The following ZNF469 variants were observed in gnomAD, a reference collection of about 807,000 sequenced individuals.
ZNF469 encodes the protein zinc finger protein 469.
In ZNF469, 1 loss-of-function variant was observed where a neutral mutation model predicts 1.0. That is an observed-to-expected ratio of 1.00 (90% CI 0.35 to 4.73). The LOEUF (loss-of-function observed/expected upper bound fraction) is 4.73, where lower values mean the gene tolerates loss of function less well. Among genes scored for constraint, ZNF469 ranks in the 30% most tolerant of loss-of-function variants. The pLI is 0.16. For synonymous variants in ZNF469, 2,703 were observed against 2,363.4 expected, an observed-to-expected ratio of 1.14 and a Z score of -4.17; for missense variants, 6,100 against 5,356.3, an observed-to-expected ratio of 1.14 and a Z score of -4.33.
At chr16:88,311,487 A>G in the ZNF469 span, among the ~76,000 whole-genome samples, 2 of 152,218 alleles carry the variant, frequency 1.3e-5, no homozygotes, top group African/African-American at 4.8e-5. Flanking sequence ...TGATTGGAGA[A>G]GCAGAGAAAA....
At chr16:88,357,428 C>T in the ZNF469 span, among the ~76,000 whole-genome samples, 2 of 152,184 alleles carry the variant, frequency 1.3e-5, no homozygotes, top group African/African-American at 4.8e-5. Context: ...TCCTAATGGA[C>T]ATGGGAAGTG....
At chr16:88,283,516 T>C in the ZNF469 span, among the ~76,000 whole-genome samples, 1 of 152,222 alleles carries the variant, frequency 6.6e-6, no homozygotes, top group Non-Finnish European at 1.5e-5. Context: ...GGTCACTGGA[T>C]GTGTGCTACG....
At chr16:88,230,967 G>A in the ZNF469 span, among the ~76,000 whole-genome samples, 5 of 152,134 alleles carry the variant, frequency 3.3e-5, no homozygotes, top group South Asian at 2.1e-4. Flanking sequence ...AGGCTCTGGC[G>A]AAGGGACCCA....
the ZNF469 span, among the ~76,000 whole-genome samples, chr16:88,262,910 C>T: frequency 6.6e-6 from 1 of 152,212 alleles, no homozygotes; most frequent in Non-Finnish European, 1.5e-5. The surrounding 1 kb of genome is among the most constrained non-coding windows in gnomAD (Gnocchi z 4.3). Context: ...CCCCACACAG[C>T]CTCCTACGGA....
At chr16:88,234,976 G>A in the ZNF469 span, 1 of 152,464 alleles carries the variant, frequency 6.6e-6, no homozygotes, top group Admixed American at 6.5e-5. Flanking sequence ...GCGGGGTGGG[G>A]GCGGCTCTGC....
At chr16:88,326,752 C>T in the ZNF469 span, among the ~76,000 whole-genome samples, 1 of 152,218 alleles carries the variant, frequency 6.6e-6, no homozygotes, top group South Asian at 2.1e-4. Flanking sequence ...AGAACAATCC[C>T]AGATCAGAGG....
chr16:88,363,729 G>T, the ZNF469 span, among the ~76,000 whole-genome samples: 17 of 152,182 alleles, frequency 1.1e-4, no homozygotes, highest in African/African-American at 4.1e-4. Context: ...CAGACCAAAA[G>T]CTGTAAAACC....
At chr16:88,414,340 G>A (rs1905250960) in intron 1 of ZNF469, among the ~76,000 whole-genome samples, 1 of 152,248 alleles carries the variant, frequency 6.6e-6, no homozygotes, top group Non-Finnish European at 1.5e-5. Flanking sequence ...CGGGAAACGG[G>A]AACAAACTTT....
chr16:88,214,646 C>T, the ZNF469 span, among the ~76,000 whole-genome samples: 1 of 151,974 alleles, frequency 6.6e-6, no homozygotes, highest in Non-Finnish European at 1.5e-5. Context: ...TAATGTTATC[C>T]CTCCTCTAAC....
chr16:88,209,444 C>T, the ZNF469 span, among the ~76,000 whole-genome samples: 2 of 152,038 alleles, frequency 1.3e-5, no homozygotes, highest in African/African-American at 2.4e-5. Flanking sequence ...GTACCCGCCA[C>T]CGCACCCAGC....
the ZNF469 span, among the ~76,000 whole-genome samples, chr16:88,174,482 C>CTATCTATT: frequency 4.0e-4 from 46 of 114,910 alleles, no homozygotes; most frequent in African/African-American, 1.9e-3. Context: ...GTCTGTCTAT[C>CTATCTATT]TATCTATCTA....
chr16:88,337,130 C>T, the ZNF469 span, among the ~76,000 whole-genome samples: 450 of 152,270 alleles, frequency 3.0e-3, no homozygotes, highest in African/African-American at 9.5e-3. Context: ...TGAGTAGTGC[C>T]GCTATGAACG....
At chr16:88,328,113 G>A in the ZNF469 span, among the ~76,000 whole-genome samples, 1 of 152,216 alleles carries the variant, frequency 6.6e-6, no homozygotes, top group Non-Finnish European at 1.5e-5. Context: ...TGAGGTCGAG[G>A]AATCCGCAGG....
chr16:88,435,297 A>C lies in ZNF469; in HGVS notation c.7827A>C (p.Lys2609Asn). Reference protein sequence around the residue: ...EDELHPKQAEKREGRRWRREP... With the variant: ...EDELHPKQAENREGRRWRREP... ...AGCTGCATCCCAAACAGGCAGAAAA[A>C]AGAGAAGGCCGGAGGTGGCGCCGAG... The change falls in exon 3 of 3, where the codon AAA becomes AAC. Residue 2609 changes from lysine to asparagine, a missense_variant. Transcript: ENST00000565624. 1 of 1,550,354 alleles carries C rather than the reference A, an allele frequency of 6.5e-7. No homozygotes were observed. Among genetic ancestry groups the C allele is most frequent in the Non-Finnish European group, 8.7e-7 (1 of 1,146,978 alleles).
chr16:88,171,785 G>A, the ZNF469 span, among the ~76,000 whole-genome samples: 20 of 152,306 alleles, frequency 1.3e-4, no homozygotes, highest in South Asian at 2.1e-3. Context: ...TGACAGTAGA[G>A]GGTGATGTAT....
Position 88,439,449 on chromosome 16 carries a change from C to T in ZNF469, c.*117C>T, listed in dbSNP as rs751192653. ...TGTGGCCACTTGACTTCTTGTGCAACTGCTCAGGCCTTGATGTCAGAGCTG... is the reference window on the plus strand; with the variant it reads ...TGTGGCCACTTGACTTCTTGTGCAATTGCTCAGGCCTTGATGTCAGAGCTG... On this transcript the variant is annotated 3_prime_UTR_variant, in exon 3 of 3. Transcript: ENST00000565624. 381 of 1,123,630 alleles carry T rather than the reference C, an allele frequency of 3.4e-4. No individual in the cohort carries two copies. The highest frequency in any genetic ancestry group is 4.7e-4 in the Non-Finnish European group (360 of 767,266). The allele number at this position is 1,123,630 out of a possible 1,614,324, so 69.6% of individuals were successfully genotyped here. A position where few individuals can be genotyped will look rare whatever the true frequency, so the allele number is the denominator to read the frequency against.
the ZNF469 span, among the ~76,000 whole-genome samples, chr16:88,299,247 G>A: frequency 1.3e-5 from 2 of 151,486 alleles, no homozygotes; most frequent in East Asian, 3.9e-4. Context: ...AGCTTGCGGC[G>A]GGGTAGGCTT....
At chr16:88,254,268 C>G in the ZNF469 span, among the ~76,000 whole-genome samples, 1 of 152,200 alleles carries the variant, frequency 6.6e-6, no homozygotes, top group Non-Finnish European at 1.5e-5. Flanking sequence ...AAAAAGTCTT[C>G]CCTTTTCCAA....
the ZNF469 span, among the ~76,000 whole-genome samples, chr16:88,336,171 CCA>C: frequency 6.8e-6 from 1 of 147,528 alleles, no homozygotes; most frequent in South Asian, 2.2e-4. Context: ...CATGCCAACA[CCA>C]CACACATTCA....
Sources: gnomAD v4.1 joint callset for allele counts (sites outside exome capture counted in the v4.1 genomes callset) on GRCh38, gnomAD v4.1.1 for gene constraint, Gnocchi (gnomAD v3.1) non-coding constraint, MANE v1.5 for transcripts, NCBI Gene and HGNC (gene_info 2026-07-23, HGNC 2026-07-21) for gene names.